Variants in PCDH9 observed in about 807,000 individuals in gnomAD.
The protein encoded by PCDH9 is protocadherin-9.
PCDH9 carries 24 observed loss-of-function variants against 70.6 expected under a neutral mutation model. The observed-to-expected ratio is 0.34, with a 90% CI of 0.25 to 0.48. The LOEUF (loss-of-function observed/expected upper bound fraction) is 0.48, where lower values mean the gene tolerates loss of function less well. Ranked by LOEUF, PCDH9 falls within the 20% of genes least tolerant of loss-of-function variation. The pLI, the probability that PCDH9 is intolerant of heterozygous loss-of-function variation, is 0.99. For synonymous variants in PCDH9, 562 were observed against 558.5 expected, an observed-to-expected ratio of 1.01 and a Z score of -0.09; for missense variants, 1,281 against 1,503.6, an observed-to-expected ratio of 0.85 and a Z score of 2.45.
intron 2 of PCDH9, among the ~76,000 whole-genome samples, chr13:66,942,599 C>G (rs1302015222): frequency 1.3e-5 from 2 of 151,948 alleles, no homozygotes; most frequent in Non-Finnish European, 2.9e-5. Flanking sequence ...ATGAAAGCGT[C>G]ATCTCTGTAA....
chr13:66,809,009 G>A (rs1048900439), intron 3 of PCDH9, among the ~76,000 whole-genome samples: 3 of 152,110 alleles, frequency 2.0e-5, no homozygotes, highest in Non-Finnish European at 2.9e-5. Context: ...GTGCGGTGGC[G>A]CTATCTCGGC....
At chr13:66,682,172 C>T (rs867291620) in intron 3 of PCDH9, among the ~76,000 whole-genome samples, 173 of 151,902 alleles carry the variant, frequency 1.1e-3, no homozygotes, top group African/African-American at 4.0e-3. Flanking sequence ...GATTGTTTTT[C>T]CCCAATCATC....
At chr13:66,505,151 T>G (rs1276599288) in intron 4 of PCDH9, among the ~76,000 whole-genome samples, 1 of 152,214 alleles carries the variant, frequency 6.6e-6, no homozygotes, top group African/African-American at 2.4e-5. Flanking sequence ...TACTTATTCT[T>G]CAAGGCCTAT....
At chr13:66,942,187 T>C (rs2083016643) in intron 2 of PCDH9, among the ~76,000 whole-genome samples, 1 of 151,918 alleles carries the variant, frequency 6.6e-6, no homozygotes. Context: ...GAAACATTTA[T>C]ACCAGAAAAT....
rs184444901 is a variant in PCDH9, at chr13:66,409,399, C to T, written c.3341-104371G>A. On this transcript the variant is annotated intron_variant, in intron 4 of 4. Transcript: ENST00000377865. ...TTGGTTTGCACTAATTGTTGTCCTC[C>T]CCCTTTTTTCCCTATGAAAACACAT... Among the ~76,000 whole-genome samples, 82 of 152,152 alleles carry T rather than the reference C, an allele frequency of 5.4e-4. 1 individual carries two copies. Among genetic ancestry groups the T allele is most frequent in the East Asian group, 2.1e-3 (11 of 5,164 alleles).
chr13:67,194,839 C>A (rs1309732126), intron 2 of PCDH9, among the ~76,000 whole-genome samples: 2 of 151,658 alleles, frequency 1.3e-5, no homozygotes, highest in African/African-American at 2.4e-5. Context: ...GAGTAGATGT[C>A]GAAATATAGG....
At chr13:66,424,103 G>A (rs541727499) in intron 4 of PCDH9, among the ~76,000 whole-genome samples, 91 of 152,190 alleles carry the variant, frequency 6.0e-4, no homozygotes, top group African/African-American at 2.2e-3. Flanking sequence ...AAAATATCTA[G>A]GAATACAACT....
chr13:67,040,292 G>C (rs1341190936), intron 2 of PCDH9, among the ~76,000 whole-genome samples: 1 of 152,122 alleles, frequency 6.6e-6, no homozygotes, highest in Non-Finnish European at 1.5e-5. Context: ...AATCCCTCAT[G>C]CATGGGATTA....
chr13:66,620,886 G>A (rs1045268188), intron 4 of PCDH9, among the ~76,000 whole-genome samples: 2 of 152,072 alleles, frequency 1.3e-5, no homozygotes, highest in African/African-American at 4.8e-5. Flanking sequence ...AGCTTACTGA[G>A]TCTTGGTTTT....
intron 4 of PCDH9, among the ~76,000 whole-genome samples, chr13:66,343,239 C>T (rs531626524): frequency 1.1e-4 from 16 of 152,214 alleles, no homozygotes; most frequent in African/African-American, 3.9e-4. Context: ...AATTGAGTGG[C>T]TTAAGAACAT....
intron 4 of PCDH9, among the ~76,000 whole-genome samples, chr13:66,484,476 C>G (rs897783481): frequency 1.3e-5 from 2 of 152,164 alleles, no homozygotes; most frequent in Admixed American, 6.5e-5. Flanking sequence ...TTATTTTTAC[C>G]TGGTGTTCCT....
At chr13:66,946,842 AAT>A (rs1386133069) in intron 2 of PCDH9, among the ~76,000 whole-genome samples, 1 of 152,192 alleles carries the variant, frequency 6.6e-6, no homozygotes, top group Non-Finnish European at 1.5e-5. Context: ...TAGCCCAAAA[AAT>A]ATGACTTTCT....
chr13:67,053,250 C>T (rs1378225024), intron 2 of PCDH9, among the ~76,000 whole-genome samples: 1 of 152,046 alleles, frequency 6.6e-6, no homozygotes, highest in African/African-American at 2.4e-5. Flanking sequence ...AAAATAAATG[C>T]CAAATAAGTG....
intron 2 of PCDH9, among the ~76,000 whole-genome samples, chr13:67,044,749 T>C (rs571230910): frequency 2.6e-5 from 4 of 152,182 alleles, no homozygotes; most frequent in South Asian, 2.1e-4. Context: ...AGCAAATTCA[T>C]GAAGGTGGTG....
intron 4 of PCDH9, among the ~76,000 whole-genome samples, chr13:66,473,813 A>T (rs902455458): frequency 4.6e-5 from 7 of 152,170 alleles, no homozygotes; most frequent in Admixed American, 6.5e-5. Flanking sequence ...ACAAAGAAAA[A>T]AGCAAATTTT....
intron 2 of PCDH9, among the ~76,000 whole-genome samples, chr13:67,044,514 T>A (rs575390128): frequency 6.6e-6 from 1 of 152,114 alleles, no homozygotes; most frequent in Admixed American, 6.6e-5. Flanking sequence ...CAAAGTGCAA[T>A]ATCTCACTTA....
intron 4 of PCDH9, among the ~76,000 whole-genome samples, chr13:66,404,617 C>T (rs1448946545): frequency 6.6e-6 from 1 of 152,004 alleles, no homozygotes; most frequent in African/African-American, 2.4e-5. Flanking sequence ...ACAATAAATG[C>T]AATTATGATT....
Position 66,538,230 on chromosome 13 carries a change from T to C in PCDH9, c.3340+92980A>G, listed in dbSNP as rs949925903. Among the ~76,000 whole-genome samples, 15 of 152,254 alleles carry C rather than the reference T, an allele frequency of 9.9e-5. No individual in the cohort carries two copies. The East Asian group carries it at 2.5e-3, about 25-fold the overall frequency. On this transcript the variant is annotated intron_variant, in intron 4 of 4. Coordinates refer to ENST00000377865, the MANE Select transcript of PCDH9 (RefSeq NM_203487.3). ...AGATGATGCGGTAACAATTAAAACA[T>C]GCACATAGAAAGCAATTAAGACTGG...
chr13:66,972,142 AT>A (rs2083534751), intron 2 of PCDH9, among the ~76,000 whole-genome samples: 1 of 151,976 alleles, frequency 6.6e-6, no homozygotes, highest in Non-Finnish European at 1.5e-5. Flanking sequence ...TGTATTGCTA[AT>A]ACACACACAT....
Sources: allele counts gnomAD v4.1 joint callset (sites outside exome capture counted in the v4.1 genomes callset), GRCh38; gene constraint gnomAD v4.1.1; transcripts MANE v1.5; gene names NCBI Gene and HGNC (gene_info 2026-07-23, HGNC 2026-07-21).